CAMTA1: variants seen among roughly 807,000 people sequenced by gnomAD.
CAMTA1 encodes calmodulin binding transcription activator 1.
In CAMTA1, 27 loss-of-function variants were observed where a neutral mutation model predicts 170.9. The observed-to-expected ratio is 0.16, with a 90% CI of 0.12 to 0.22. The LOEUF is 0.22. Ranked by LOEUF, CAMTA1 falls within the 10% of genes least tolerant of loss-of-function variation. The pLI, the probability that CAMTA1 is intolerant of heterozygous loss-of-function variation, is 1.00. For synonymous variants in CAMTA1, 833 were observed against 891.5 expected (o/e 0.93, Z 1.17); for missense variants, 1,619 against 2,217.2 (o/e 0.73, Z 5.42).
In CAMTA1 at chr1:7,664,782, C is replaced by T. The variant is rs1558085770; in HGVS notation, c.2235C>T (p.Tyr745=). The change falls in exon 9 of 23, where the codon TAC becomes TAT. Residue 745 remains tyrosine, a synonymous_variant. Transcript: ENST00000303635. ...ILPGNVVQGL[Y]PVAQPSLGNA... is the part of the protein sequence containing the mutation. ...CGGGCAACGTGGTGCAGGGACTCTA[C>T]CCCGTGGCCCAGCCCAGCCTCGGCA... 6.2e-7 allele frequency: 1 copy of T among 1,612,312 alleles called. No individual in the cohort carries two copies. Among genetic ancestry groups the T allele is most frequent in the East Asian group, 2.2e-5 (1 of 44,858 alleles).
chr1:7,520,906 A>C (rs113922396), intron 6 of CAMTA1, among the ~76,000 whole-genome samples: 1 of 103,138 alleles, frequency 9.7e-6, no homozygotes, highest in Non-Finnish European at 1.9e-5. Context: ...CTCCAGACAG[A>C]CAGTCACACA....
intron 11 of CAMTA1, among the ~76,000 whole-genome samples, chr1:7,705,155 G>A (rs2096498295): frequency 6.6e-6 from 1 of 151,320 alleles, no homozygotes; most frequent in Non-Finnish European, 1.5e-5. Flanking sequence ...AGTGGGAAGT[G>A]TGGGGATCCG....
intron 5 of CAMTA1, among the ~76,000 whole-genome samples, chr1:7,431,467 G>A (rs190148455): frequency 2.0e-5 from 3 of 152,330 alleles, no homozygotes; most frequent in Non-Finnish European, 4.4e-5. Flanking sequence ...TTCAGCCCCA[G>A]GCTTGTGGCT....
At chr1:7,703,198 G>C (rs75640758) in intron 11 of CAMTA1, among the ~76,000 whole-genome samples, 4 of 152,278 alleles carry the variant, frequency 2.6e-5, no homozygotes, top group Non-Finnish European at 4.4e-5. Context: ...GGCCAGATTT[G>C]AGCTGGACCT....
intron 6 of CAMTA1, among the ~76,000 whole-genome samples, chr1:7,527,574 G>A (rs960263202): frequency 7.2e-5 from 11 of 152,228 alleles, no homozygotes; most frequent in Non-Finnish European, 1.5e-4. Context: ...GGGGCTGGAT[G>A]GGGCAGGGCC....
chr1:6,937,587 G>A (rs369545665), intron 3 of CAMTA1, among the ~76,000 whole-genome samples: 918 of 52,894 alleles, frequency 0.017, 173 homozygotes, highest in Middle Eastern at 0.039. Context: ...CACCACCATC[G>A]TCACCATCAC....
At chr1:7,133,997 C>G (rs759529858) in intron 4 of CAMTA1, among the ~76,000 whole-genome samples, 2 of 152,164 alleles carry the variant, frequency 1.3e-5, no homozygotes, top group Non-Finnish European at 1.5e-5. Flanking sequence ...GATCCCACCA[C>G]CCAGGTGGTG....
At chr1:7,670,845 G>A (rs1442925198) in intron 9 of CAMTA1, 66 bp from the exon 10 acceptor site, 2 of 1,581,496 alleles carry the variant, frequency 1.3e-6, no homozygotes, top group Non-Finnish European at 1.7e-6. Context: ...CCTCAGGGGG[G>A]CTTCCCCATG....
intron 11 of CAMTA1, among the ~76,000 whole-genome samples, chr1:7,725,649 G>T (rs1048144491): frequency 2.6e-5 from 4 of 152,176 alleles, no homozygotes; most frequent in Admixed American, 1.3e-4. Context: ...GTGGAAACAG[G>T]CCAGGGTCTT....
At chr1:7,637,125 C>T (rs192132302) in intron 6 of CAMTA1, among the ~76,000 whole-genome samples, 4 of 152,340 alleles carry the variant, frequency 2.6e-5, no homozygotes, top group East Asian at 1.9e-4. Flanking sequence ...AGGAACTCCA[C>T]GGTTTGGGTT....
At chr1:7,639,940 G>A (rs1190202947) in intron 6 of CAMTA1, among the ~76,000 whole-genome samples, 1 of 152,178 alleles carries the variant, frequency 6.6e-6, no homozygotes, top group Non-Finnish European at 1.5e-5. Context: ...CATCCCGCAA[G>A]CTGTGAGGGG....
chr1:7,710,183 C>A (rs954574696), intron 11 of CAMTA1, among the ~76,000 whole-genome samples: 1 of 152,184 alleles, frequency 6.6e-6, no homozygotes, highest in African/African-American at 2.4e-5. Flanking sequence ...TTTTGGCAGT[C>A]AACATTGAAT....
At chr1:6,810,322 G>A (rs574636856) in intron 1 of CAMTA1, among the ~76,000 whole-genome samples, 2 of 152,214 alleles carry the variant, frequency 1.3e-5, no homozygotes, top group African/African-American at 2.4e-5. Flanking sequence ...TTCGCCAGCT[G>A]TTGGCCCGAG....
At chr1:7,291,582 A>T (rs1258402334) in intron 5 of CAMTA1, among the ~76,000 whole-genome samples, 3 of 152,210 alleles carry the variant, frequency 2.0e-5, no homozygotes, top group Non-Finnish European at 4.4e-5. Context: ...CTGCTGGGAG[A>T]TCCCCTCTGG....
chr1:7,756,342 G>A (rs896007108), intron 22 of CAMTA1, among the ~76,000 whole-genome samples: 1 of 152,102 alleles, frequency 6.6e-6, no homozygotes, highest in Admixed American at 6.5e-5. Flanking sequence ...AATGTGGTGT[G>A]AAATGTCTCG....
intron 4 of CAMTA1, among the ~76,000 whole-genome samples, chr1:7,142,618 T>C (rs1401354745): frequency 6.6e-6 from 1 of 152,220 alleles, no homozygotes; most frequent in Non-Finnish European, 1.5e-5. Context: ...GCTCTGTTAA[T>C]TCCTGTGAAA....
chr1:7,390,812 G>T (rs958085197), intron 5 of CAMTA1, among the ~76,000 whole-genome samples: 1 of 152,220 alleles, frequency 6.6e-6, no homozygotes, highest in Non-Finnish European at 1.5e-5. Flanking sequence ...TGCACCGCCC[G>T]CCAGGTGTGC....
chr1:6,809,579 A>G (rs1644934452), intron 1 of CAMTA1, among the ~76,000 whole-genome samples: 1 of 152,200 alleles, frequency 6.6e-6, no homozygotes, highest in South Asian at 2.1e-4. Context: ...GCACAGCACA[A>G]AAGGTACAGA....
chr1:6,992,588 G>A (rs1696565134), intron 3 of CAMTA1, among the ~76,000 whole-genome samples: 1 of 152,198 alleles, frequency 6.6e-6, no homozygotes, highest in African/African-American at 2.4e-5. Flanking sequence ...ATTGGTTCAT[G>A]GTTCTGCAGG....
Sources: allele counts gnomAD v4.1 joint callset (sites outside exome capture counted in the v4.1 genomes callset), GRCh38; gene constraint gnomAD v4.1.1; transcripts MANE v1.5; gene names NCBI Gene and HGNC (gene_info 2026-07-23, HGNC 2026-07-21).